Variants in KCNT2 observed in about 807,000 individuals in gnomAD.
The protein encoded by KCNT2 is potassium channel subfamily T member 2.
KCNT2 carries 67 observed loss-of-function variants against 153.8 expected under a neutral mutation model. The ratio of observed to expected loss-of-function variants is 0.44; its 90% CI spans 0.36 to 0.53. The LOEUF is 0.53. Among genes scored for constraint, KCNT2 ranks in the 20% least tolerant of loss-of-function variants. KCNT2 has a pLI of 0.00. For missense variants in KCNT2, 975 were observed against 1,354.8 expected (o/e 0.72, Z 4.40); for synonymous variants, 500 against 458.8 (o/e 1.09, Z -1.15).
chr1:196,412,848 CCTCA>C (rs1672453735), intron 12 of KCNT2, among the ~76,000 whole-genome samples: 1 of 151,656 alleles, frequency 6.6e-6, no homozygotes. Flanking sequence ...TGGCAGACAT[CCTCA>C]TTTTGTTTAG....
At chr1:196,238,274 G>T (rs777090191) in intron 26 of KCNT2, among the ~76,000 whole-genome samples, 4 of 151,852 alleles carry the variant, frequency 2.6e-5, no homozygotes, top group Non-Finnish European at 4.4e-5. Context: ...TGTAAAAATT[G>T]TGTAGATAAT....
chr1:196,443,686 G>C (rs16839919), intron 8 of KCNT2, among the ~76,000 whole-genome samples: 3 of 151,438 alleles, frequency 2.0e-5, no homozygotes, highest in Non-Finnish European at 3.0e-5. Flanking sequence ...TGTGCTCTCC[G>C]TGTTCTTATA....
chr1:196,525,585 G>T (rs564491337), intron 1 of KCNT2, among the ~76,000 whole-genome samples: 2 of 152,286 alleles, frequency 1.3e-5, no homozygotes, highest in East Asian at 3.9e-4. Context: ...TCTAGAAAGT[G>T]CTAAACTAAC....
Position 196,542,185 on chromosome 1 carries a change from C to T in KCNT2, c.96-49844G>A, listed in dbSNP as rs539658129. Among the ~76,000 whole-genome samples the T allele has an allele frequency of 1.4e-4, 22 of 152,044 alleles. 2 individuals carry two copies. Among genetic ancestry groups the T allele is most frequent in the African/African-American group, 4.3e-4 (18 of 41,500 alleles). On this transcript the variant is annotated intron_variant, in intron 1 of 27. Transcript: ENST00000294725. ...AACTCATTTACACTAACCCAAAATC[C>T]GCCGAAAGTCTAGTAAGAGAATATA...
At position 196,507,280 on chromosome 1, in the gene KCNT2, C is replaced by A. The variant is rs541435973; in HGVS notation, c.96-14939G>T. On this transcript the variant is annotated intron_variant, in intron 1 of 27. Coordinates refer to ENST00000294725, the MANE Select transcript of KCNT2 (RefSeq NM_198503.5). ...ACTTGAGAAAAATTCACCATCAGTT[C>A]TATCAGAAAAATTATCCAGAACTTG... 4.2e-3 allele frequency among the ~76,000 whole-genome samples: 637 copies of A among 152,190 alleles called. 6 individuals carry two copies. The highest frequency in any genetic ancestry group is 6.6e-3 in the Non-Finnish European group (450 of 68,002).
intron 25 of KCNT2, among the ~76,000 whole-genome samples, chr1:196,263,400 A>G (rs1264006570): frequency 6.6e-6 from 1 of 152,104 alleles, no homozygotes; most frequent in East Asian, 1.9e-4. Context: ...AAAACCAAAC[A>G]CTGCATATTC....
intron 3 of KCNT2, among the ~76,000 whole-genome samples, chr1:196,483,306 C>A (rs1679159792): frequency 6.6e-6 from 1 of 152,152 alleles, no homozygotes; most frequent in African/African-American, 2.4e-5. Context: ...TCATCTGCTT[C>A]TTTTCGTCTC....
chr1:196,244,556 C>T (rs983819090), intron 26 of KCNT2, among the ~76,000 whole-genome samples: 10 of 152,068 alleles, frequency 6.6e-5, no homozygotes, highest in Admixed American at 1.3e-4. Flanking sequence ...TTGACGGTAG[C>T]CAGGTAGTAC....
At chr1:196,390,694 CA>C (rs886161785) in intron 13 of KCNT2, among the ~76,000 whole-genome samples, 1 of 136,574 alleles carries the variant, frequency 7.3e-6, no homozygotes, top group Non-Finnish European at 1.7e-5. Flanking sequence ...ACTACTTCTC[CA>C]AAAAAATCTT....
Position 196,373,295 on chromosome 1 carries a change from G to T in KCNT2, c.1295-47C>A, listed in dbSNP as rs375362104. ...AATTAGAATAATTTACCTTTGGAGA[G>T]TAATAAAATGTAAAAAATAAAACAA... On this transcript the variant is annotated intron_variant, in intron 13 of 27. Coordinates refer to ENST00000294725, the MANE Select transcript of KCNT2 (RefSeq NM_198503.5). 76 of 801,992 alleles carry T rather than the reference G, an allele frequency of 9.5e-5. No homozygotes were observed. In the African/African-American group the frequency reaches 1.2e-3, roughly 13 times the overall value. The allele number at this position is 801,992 out of a possible 1,614,324, so 49.7% of individuals were successfully genotyped here. A position where few individuals can be genotyped will look rare whatever the true frequency, so the allele number is the denominator to read the frequency against.
intron 1 of KCNT2, among the ~76,000 whole-genome samples, chr1:196,510,652 A>G (rs1409320844): frequency 6.6e-6 from 1 of 152,216 alleles, no homozygotes; most frequent in African/African-American, 2.4e-5. Flanking sequence ...ATCATGTGTT[A>G]AGTATCATAG....
chr1:196,446,366 G>C (rs1292197838), intron 8 of KCNT2, among the ~76,000 whole-genome samples: 1 of 151,342 alleles, frequency 6.6e-6, no homozygotes, highest in Non-Finnish European at 1.5e-5. Flanking sequence ...AATTATCAAT[G>C]TCATAGAATA....
Position 196,479,257 on chromosome 1 carries a change from C to G in KCNT2, c.325-19G>C. Reference sequence around the variant, plus strand: ...CTGAAACCTGAAAGATAAATTGTAACTTAATGAGAAAACGCAATACAATTA... The same window carrying G: ...CTGAAACCTGAAAGATAAATTGTAAGTTAATGAGAAAACGCAATACAATTA... On this transcript the variant is annotated intron_variant, in intron 4 of 27. Transcript: ENST00000294725. 1 of 1,452,568 alleles carries G rather than the reference C, an allele frequency of 6.9e-7. No individual in the cohort carries two copies. Among genetic ancestry groups the G allele is most frequent in the Non-Finnish European group, 9.6e-7 (1 of 1,042,896 alleles). 90.0% of individuals were successfully genotyped at this position (1,452,568 alleles called of 1,614,324 possible).
intron 20 of KCNT2, among the ~76,000 whole-genome samples, chr1:196,316,687 G>A (rs909648535): frequency 6.6e-6 from 1 of 151,296 alleles, no homozygotes; most frequent in African/African-American, 2.4e-5. Context: ...TGCTAAAGTA[G>A]GAAACACATA....
At position 196,578,687 on chromosome 1, in the gene KCNT2, A is replaced by T. The variant is rs1438302095; in HGVS notation, c.95+29528T>A. Among the ~76,000 whole-genome samples, 4 of 152,152 alleles carry T rather than the reference A, an allele frequency of 2.6e-5. No homozygotes were observed. In the East Asian group the frequency reaches 7.7e-4, roughly 29 times the overall value. ...CATTAGAGAATTCAAATCTAGAGGG[A>T]CTGACCAAAGAGACTAAAAATATTG... On this transcript the variant is annotated intron_variant, in intron 1 of 27. Coordinates refer to ENST00000294725, the MANE Select transcript of KCNT2 (RefSeq NM_198503.5).
At chr1:196,580,931 C>T (rs1469215783) in intron 1 of KCNT2, among the ~76,000 whole-genome samples, 2 of 152,084 alleles carry the variant, frequency 1.3e-5, no homozygotes, top group Admixed American at 6.6e-5. Flanking sequence ...TTTACTTGTT[C>T]TTGTTTTCTT....
chr1:196,444,969 C>T (rs573177452), intron 8 of KCNT2, among the ~76,000 whole-genome samples: 55 of 151,494 alleles, frequency 3.6e-4, no homozygotes, highest in Admixed American at 2.1e-3. Context: ...TACAGAAATG[C>T]TACTAAATTC....
chr1:196,330,795 CATAATGAGAT>C (rs1310624554), intron 18 of KCNT2, among the ~76,000 whole-genome samples: 1 of 151,860 alleles, frequency 6.6e-6, no homozygotes, highest in East Asian at 1.9e-4. Flanking sequence ...CAAGGGATTC[CATAATGAGAT>C]ATAAAGTAAT....
At chr1:196,425,729 G>T in intron 11 of KCNT2, 123 bp downstream of exon 11, 3 of 929,860 alleles carry the variant, frequency 3.2e-6, no homozygotes, top group Non-Finnish European at 5.1e-6. Flanking sequence ...TAAGGCAAGA[G>T]TCTATACTCA....
Sources: gnomAD v4.1 joint callset for allele counts (sites outside exome capture counted in the v4.1 genomes callset) on GRCh38, gnomAD v4.1.1 for gene constraint, MANE v1.5 for transcripts, NCBI Gene and HGNC (gene_info 2026-07-23, HGNC 2026-07-21) for gene names.